The following SHISA9 variants were observed in gnomAD, a reference collection of about 807,000 sequenced individuals.
SHISA9 encodes protein shisa-9.
SHISA9 carries 13 observed loss-of-function variants against 38.0 expected under a neutral mutation model. The observed-to-expected ratio is 0.34, with a 90% CI of 0.22 to 0.54. The LOEUF is 0.54. Ranked by LOEUF, SHISA9 falls within the 20% of genes least tolerant of loss-of-function variation. The pLI is 0.91. For synonymous variants in SHISA9, 275 were observed against 242.0 expected (o/e 1.14, Z -1.27); for missense variants, 538 against 575.8 (o/e 0.93, Z 0.67).
At chr16:13,180,307 G>T (rs2050766164) in intron 2 of SHISA9, among the ~76,000 whole-genome samples, 2 of 152,214 alleles carry the variant, frequency 1.3e-5, no homozygotes, top group South Asian at 2.1e-4. Flanking sequence ...ACATAACTCT[G>T]TCCCCACACC....
At chr16:12,994,123 A>G (rs556184639) in intron 2 of SHISA9, among the ~76,000 whole-genome samples, 2 of 152,318 alleles carry the variant, frequency 1.3e-5, no homozygotes, top group African/African-American at 4.8e-5. Flanking sequence ...TGAAATAGGA[A>G]TCAACTGGAA....
At chr16:13,309,659 AAAG>A in the SHISA9 span, among the ~76,000 whole-genome samples, 4 of 151,412 alleles carry the variant, frequency 2.6e-5, no homozygotes, top group African/African-American at 7.3e-5. Flanking sequence ...AAAAAAAAAA[AAAG>A]AAAGTTGGAG....
At chr16:13,313,991 G>C in the SHISA9 span, among the ~76,000 whole-genome samples, 2 of 152,094 alleles carry the variant, frequency 1.3e-5, no homozygotes, top group Non-Finnish European at 2.9e-5. Context: ...GGAAGGTTTG[G>C]CTGGGAGTCA....
chr16:13,407,721 A>G, the SHISA9 span, among the ~76,000 whole-genome samples: 1 of 152,208 alleles, frequency 6.6e-6, no homozygotes, highest in South Asian at 2.1e-4. Context: ...AGGTTAGGCC[A>G]TATGACCATT....
At chr16:13,274,699 C>A in the SHISA9 span, among the ~76,000 whole-genome samples, 1 of 152,040 alleles carries the variant, frequency 6.6e-6, no homozygotes, top group African/African-American at 2.4e-5. Context: ...CCATGACATG[C>A]CAACTCTGGG....
the SHISA9 span, among the ~76,000 whole-genome samples, chr16:13,534,886 C>T: frequency 4.6e-5 from 7 of 152,024 alleles, no homozygotes; most frequent in African/African-American, 1.7e-4. Context: ...TATTCTTATT[C>T]TTTTTAATAT....
chr16:12,982,345 TA>T (rs1783735473), intron 2 of SHISA9, among the ~76,000 whole-genome samples: 1 of 152,250 alleles, frequency 6.6e-6, no homozygotes, highest in South Asian at 2.1e-4. Context: ...GTGATTGCCA[TA>T]GTGGACAGGA....
At chr16:13,106,868 C>G in intron 2 of SHISA9, among the ~76,000 whole-genome samples, 1 of 152,112 alleles carries the variant, frequency 6.6e-6, no homozygotes, top group Non-Finnish European at 1.5e-5. Context: ...CCAGAGGAAA[C>G]AGAACCAAGA....
At chr16:13,051,474 A>G (rs2073250336) in intron 2 of SHISA9, among the ~76,000 whole-genome samples, 1 of 152,146 alleles carries the variant, frequency 6.6e-6, no homozygotes, top group African/African-American at 2.4e-5. Flanking sequence ...AATATCGACT[A>G]CTTCTGGGTG....
the SHISA9 span, among the ~76,000 whole-genome samples, chr16:13,455,466 A>T: frequency 6.6e-6 from 1 of 152,250 alleles, no homozygotes; most frequent in Non-Finnish European, 1.5e-5. Context: ...CCAAAGAAAA[A>T]AAGTGACACA....
At chr16:13,318,899 T>C in the SHISA9 span, among the ~76,000 whole-genome samples, 10 of 152,252 alleles carry the variant, frequency 6.6e-5, no homozygotes, top group African/African-American at 2.4e-4. Context: ...CTGAATTCCT[T>C]AGCTGGTGCT....
chr16:12,923,094 T>C (rs1343501499), intron 2 of SHISA9, among the ~76,000 whole-genome samples: 1 of 152,202 alleles, frequency 6.6e-6, no homozygotes, highest in Non-Finnish European at 1.5e-5. Context: ...TCCGAGTAGC[T>C]CTATACATTT....
chr16:13,501,332 T>A, the SHISA9 span, among the ~76,000 whole-genome samples: 1 of 152,034 alleles, frequency 6.6e-6, no homozygotes, highest in African/African-American at 2.4e-5. Context: ...GGTGAACATA[T>A]GTGTGAAAAC....
At chr16:12,927,684 C>T (rs1874287195) in intron 2 of SHISA9, among the ~76,000 whole-genome samples, 1 of 151,894 alleles carries the variant, frequency 6.6e-6, no homozygotes, top group South Asian at 2.1e-4. Flanking sequence ...GTTGGGATTA[C>T]AGGTGTGAAC....
chr16:13,469,320 G>GAGAGAGAGAA, the SHISA9 span, among the ~76,000 whole-genome samples: 38 of 61,614 alleles, frequency 6.2e-4, 1 homozygote, highest in Admixed American at 1.1e-3. Flanking sequence ...GAGAGAGAGA[G>GAGAGAGAGAA]AGAAAGAAAG....
Position 12,921,149 on chromosome 16 carries a change from A to C in SHISA9, c.691+4334A>C, listed in dbSNP as rs569372799. On this transcript the variant is annotated intron_variant, in intron 2 of 4. Transcript: ENST00000558583. ...CATATACCCTTACAACCACTCTTTGAAACCGGGTTATGCGATAACATAAAT... is the reference window on the plus strand; with the variant it reads ...CATATACCCTTACAACCACTCTTTGCAACCGGGTTATGCGATAACATAAAT... Among the ~76,000 whole-genome samples, 17 of 152,344 alleles carry C rather than the reference A, an allele frequency of 1.1e-4. No homozygotes were observed. The South Asian group carries it at 3.5e-3, about 32-fold the overall frequency.
chr16:13,256,992 C>T, the SHISA9 span, among the ~76,000 whole-genome samples: 1 of 152,158 alleles, frequency 6.6e-6, no homozygotes, highest in Non-Finnish European at 1.5e-5. Context: ...TCATCTATGC[C>T]AACCTCTGGT....
At chr16:13,102,620 C>T (rs2073889657) in intron 2 of SHISA9, among the ~76,000 whole-genome samples, 1 of 152,150 alleles carries the variant, frequency 6.6e-6, no homozygotes, top group South Asian at 2.1e-4. Context: ...ACATTTCATC[C>T]ATGATGTCAT....
intron 2 of SHISA9, among the ~76,000 whole-genome samples, chr16:12,923,496 C>T (rs1443320644): frequency 6.6e-6 from 1 of 151,772 alleles, no homozygotes; most frequent in East Asian, 1.9e-4. Context: ...CCACTGCACT[C>T]CAGCCTGCAT....
Sources: gnomAD v4.1 joint callset for allele counts (sites outside exome capture counted in the v4.1 genomes callset) on GRCh38, gnomAD v4.1.1 for gene constraint, MANE v1.5 for transcripts, NCBI Gene and HGNC (gene_info 2026-07-23, HGNC 2026-07-21) for gene names.